COL5A1: variants seen among roughly 807,000 people sequenced by gnomAD.
COL5A1 encodes collagen type V alpha 1 chain.
In COL5A1, 16 loss-of-function variants were observed where a neutral mutation model predicts 263.7. The observed-to-expected ratio is 0.06, with a 90% CI of 0.04 to 0.09. The LOEUF (loss-of-function observed/expected upper bound fraction) is 0.09, where lower values mean the gene tolerates loss of function less well. Among genes scored for constraint, COL5A1 ranks in the 10% least tolerant of loss-of-function variants. The probability of loss-of-function intolerance (pLI) is 1.00; values close to 1 mark genes in which losing one functional copy is unlikely to be tolerated. For missense variants in COL5A1, 2,036 were observed against 2,540.5 expected (o/e 0.80, Z 4.27); for synonymous variants, 1,012 against 1,004.5 (o/e 1.01, Z -0.14).
intron 1 of COL5A1, among the ~76,000 whole-genome samples, chr9:134,650,014 A>G (rs1294169863): frequency 6.9e-6 from 1 of 145,378 alleles, no homozygotes; most frequent in Non-Finnish European, 1.5e-5. Context: ...GGAGGGGAAC[A>G]TCATGCACCA....
At chr9:134,650,702 G>A (rs929898231) in intron 1 of COL5A1, among the ~76,000 whole-genome samples, 6 of 152,264 alleles carry the variant, frequency 3.9e-5, no homozygotes, top group Non-Finnish European at 5.9e-5. Context: ...GGATGCATGC[G>A]CCTGAAGGCA....
intron 8 of COL5A1, among the ~76,000 whole-genome samples, 167 bp downstream of exon 8, chr9:134,731,830 G>A (rs1305847540): frequency 6.6e-6 from 1 of 152,166 alleles, no homozygotes; most frequent in South Asian, 2.1e-4. Context: ...CCTCGAATTT[G>A]CTCTGAATAA....
intron 9 of COL5A1, among the ~76,000 whole-genome samples, chr9:134,735,103 C>T (rs1024853785): frequency 2.6e-5 from 4 of 151,778 alleles, no homozygotes; most frequent in African/African-American, 9.7e-5. Context: ...ATCTCAGCTA[C>T]TCTGGAGGCT....
Position 134,825,776 on chromosome 9 carries a change from C to A in COL5A1, c.4955-16C>A. The A allele has an allele frequency of 6.4e-7, 1 of 1,567,844 alleles. No homozygotes were observed. Among genetic ancestry groups the A allele is most frequent in the South Asian group, 1.1e-5 (1 of 89,856 alleles). On this transcript the variant is annotated splice_polypyrimidine_tract_variant and intron_variant, in intron 62 of 65. Coordinates refer to ENST00000371817, the MANE Select transcript of COL5A1 (RefSeq NM_000093.5). The stretch of plus-strand genomic sequence containing the variant: ...TTCTGACTCTGCCTGCCTCCCTCCC[C>A]GTCTCTGAAATCCAGGTGAATACTG...
intron 42 of COL5A1, among the ~76,000 whole-genome samples, chr9:134,808,045 A>G (rs992122720): frequency 1.3e-5 from 2 of 152,202 alleles, no homozygotes; most frequent in Admixed American, 6.5e-5. Flanking sequence ...AGCTTCCACA[A>G]AAGCCCCACA....
intron 1 of COL5A1, among the ~76,000 whole-genome samples, chr9:134,668,553 T>A (rs1832425580): frequency 1.4e-5 from 2 of 145,486 alleles, no homozygotes; most frequent in South Asian, 4.4e-4. Context: ...CACCCATTCA[T>A]CCATCAATGC....
rs574940195 is a variant in COL5A1 at position 134,696,932 on chromosome 9, T to G, written c.278-2977T>G. Among the ~76,000 whole-genome samples the G allele has an allele frequency of 1.3e-5, 2 of 151,792 alleles. No homozygotes were observed. The highest frequency in any genetic ancestry group is 2.1e-4 in the South Asian group (1 of 4,802). On this transcript the variant is annotated intron_variant, in intron 2 of 65. Transcript: ENST00000371817. The surrounding 1 kb of genome is among the most constrained non-coding windows in gnomAD (Gnocchi z 4.3). ...AAAAATACAAAAAAATTAGCCAGGC[T>G]TGGTGGCGGGTGCCTGTAGTCCCAG... is the stretch of plus-strand genomic sequence containing the variant.
At chr9:134,751,022 C>T in intron 13 of COL5A1, 140 bp downstream of exon 13, 1 of 777,330 alleles carries the variant, frequency 1.3e-6, no homozygotes, top group South Asian at 1.5e-5. Context: ...TTGCTGGGGT[C>T]AGGAGCTGTG....
At chr9:134,683,334 C>T (rs1055674399) in intron 1 of COL5A1, among the ~76,000 whole-genome samples, 9 of 152,158 alleles carry the variant, frequency 5.9e-5, no homozygotes, top group South Asian at 2.1e-4. Context: ...CTCTTGAGCC[C>T]GTCGCGGGCT....
At chr9:134,778,096 T>TGCCACGCCGTGGTGAGACGGC (rs1837116169) in intron 27 of COL5A1, among the ~76,000 whole-genome samples, 1 of 152,234 alleles carries the variant, frequency 6.6e-6, no homozygotes, top group Admixed American at 6.5e-5. Flanking sequence ...TCTGAGGCGA[T>TGCCACGCCGTGGTGAGACGGC]GCCACGCCGT....
At position 134,830,007 on chromosome 9, in the gene COL5A1, CGG is replaced by C; in HGVS notation, c.5101_5102del (p.Gly1701LeufsTer5). 1 of 1,614,002 alleles carries C rather than the reference CGG, an allele frequency of 6.2e-7. No individual in the cohort carries two copies. The highest frequency in any genetic ancestry group is 8.5e-7 in the Non-Finnish European group (1 of 1,179,972). On this transcript the variant is annotated frameshift_variant, in exon 64 of 66. Transcript: ENST00000371817. LOFTEE classifies it high-confidence loss of function. ...ATCACTTCTTGGCCCAAAGAAAACC[CGG>C]GCTCCTGGTTCAGTGAATTCAAGCG...
At chr9:134,701,125 G>A (rs770843442) in intron 3 of COL5A1, 46 bp from the exon 4 acceptor site, 12 of 1,604,688 alleles carry the variant, frequency 7.5e-6, no homozygotes, top group South Asian at 3.3e-5. Context: ...TGCTTGAGCT[G>A]GCATCTGTGA....
chr9:134,709,835 G>A (rs1307883425), intron 4 of COL5A1, among the ~76,000 whole-genome samples: 1 of 152,208 alleles, frequency 6.6e-6, no homozygotes, highest in Non-Finnish European at 1.5e-5. Flanking sequence ...GGCACTGAGG[G>A]TCTCTGGGAA....
chr9:134,813,193 CGT>C (rs976490640), intron 48 of COL5A1, among the ~76,000 whole-genome samples: 1 of 149,880 alleles, frequency 6.7e-6, no homozygotes, highest in Non-Finnish European at 1.5e-5. Context: ...TGGACCCAGT[CGT>C]GTGTGTGTGT....
chr9:134,648,192 G>C (rs1040926928), intron 1 of COL5A1, among the ~76,000 whole-genome samples: 1 of 151,766 alleles, frequency 6.6e-6, no homozygotes, highest in African/African-American at 2.4e-5. Context: ...AGTTCTTCAG[G>C]TTTGGGACTC....
chr9:134,806,405 A>T, intron 42 of COL5A1, 109 bp downstream of exon 42: 1 of 790,282 alleles, frequency 1.3e-6, no homozygotes. Context: ...TTTCCTTGGG[A>T]TTGGGGATGG....
In COL5A1 at chr9:134,647,366, G is replaced by A. The variant is rs1831507530; in HGVS notation, c.109+5070G>A. On this transcript the variant is annotated intron_variant, in intron 1 of 65. Coordinates refer to ENST00000371817, the MANE Select transcript of COL5A1 (RefSeq NM_000093.5). The surrounding 1 kb of genome is among the most constrained non-coding windows in gnomAD (Gnocchi z 5.0). Reference sequence around the variant, plus strand: ...CTCATGTGTGCGTTTGTGTGTATGTGTGTCATGTGTGCGTGTGTGTGTGTG... The same window carrying A: ...CTCATGTGTGCGTTTGTGTGTATGTATGTCATGTGTGCGTGTGTGTGTGTG... Among the ~76,000 whole-genome samples the A allele has an allele frequency of 6.6e-6, 1 of 151,848 alleles. No individual in the cohort carries two copies. The highest frequency in any genetic ancestry group is 1.5e-5 in the Non-Finnish European group (1 of 68,008).
intron 1 of COL5A1, among the ~76,000 whole-genome samples, chr9:134,657,479 A>G (rs1418702049): frequency 5.1e-5 from 2 of 39,192 alleles, no homozygotes; most frequent in African/African-American, 2.9e-4. Context: ...TAGTTTATAG[A>G]TAATATGGGG....
chr9:134,758,743 C>T lies in COL5A1; in HGVS notation c.1935+447C>T, dbSNP rs1451655183. On this transcript the variant is annotated intron_variant, in intron 18 of 65. Transcript: ENST00000371817. The surrounding 1 kb of genome is among the most constrained non-coding windows in gnomAD (Gnocchi z 4.1). ...AAGTGGCCATGTGGAGACCAGGTCACGAAAACATGCCAGGTGTCCCCCTGT... is the reference window on the plus strand; with the variant it reads ...AAGTGGCCATGTGGAGACCAGGTCATGAAAACATGCCAGGTGTCCCCCTGT... Among the ~76,000 whole-genome samples, 4 of 152,142 alleles carry T rather than the reference C, an allele frequency of 2.6e-5. No homozygotes were observed. The highest frequency in any genetic ancestry group is 4.4e-5 in the Non-Finnish European group (3 of 68,022).
Sources: gnomAD v4.1 joint callset for allele counts (sites outside exome capture counted in the v4.1 genomes callset) on GRCh38, gnomAD v4.1.1 for gene constraint, Gnocchi (gnomAD v3.1) non-coding constraint, MANE v1.5 for transcripts, NCBI Gene and HGNC (gene_info 2026-07-23, HGNC 2026-07-21) for gene names.